The following ZFHX3 variants were observed in gnomAD, a reference collection of about 807,000 sequenced individuals.
ZFHX3 encodes the protein zinc finger homeobox protein 3.
ZFHX3 carries 42 observed loss-of-function variants against 279.1 expected under a neutral mutation model. The ratio of observed to expected loss-of-function variants is 0.15; its 90% CI spans 0.12 to 0.19. The LOEUF (loss-of-function observed/expected upper bound fraction) is 0.19, where lower values mean the gene tolerates loss of function less well. Among genes scored for constraint, ZFHX3 ranks in the 10% least tolerant of loss-of-function variants. ZFHX3 has a pLI of 1.00. For missense variants in ZFHX3, 4,981 were observed against 4,754.0 expected, an observed-to-expected ratio of 1.05 and a Z score of -1.40; for synonymous variants, 2,293 against 1,957.8, an observed-to-expected ratio of 1.17 and a Z score of -4.52.
At chr16:73,242,527 C>T (rs189106538) in intron 5 of ZFHX3, among the ~76,000 whole-genome samples, 109 of 152,302 alleles carry the variant, frequency 7.2e-4, no homozygotes, top group Non-Finnish European at 1.3e-3. Context: ...ACAGATAATA[C>T]TCACAGCATA....
At chr16:73,728,685 C>CTACT (rs2053542635) in intron 1 of ZFHX3, among the ~76,000 whole-genome samples, 2 of 152,064 alleles carry the variant, frequency 1.3e-5, no homozygotes, top group Non-Finnish European at 2.9e-5. Flanking sequence ...TAGCTCTTTG[C>CTACT]TACTGCTTGT....
At chr16:73,494,096 C>T (rs146381579) in intron 2 of ZFHX3, among the ~76,000 whole-genome samples, 1 of 152,230 alleles carries the variant, frequency 6.6e-6, no homozygotes, top group East Asian at 1.9e-4. Context: ...GGCAAAGAGT[C>T]GCTTCCCGGT....
Position 72,929,662 on chromosome 16 carries a change from G to A in ZFHX3, c.3216+20807C>T, listed in dbSNP as rs555099835. ...GGATGCCTGGGGCCACGCGGGCTGC[G>A]ACAGGGCCCTCCACGCAAGCTGGCT... is the stretch of plus-strand genomic sequence containing the variant. On this transcript the variant is annotated intron_variant, in intron 3 of 9. Transcript: ENST00000268489. Among the ~76,000 whole-genome samples the A allele has an allele frequency of 7.9e-5, 12 of 152,304 alleles. No homozygotes were observed. In the South Asian group the frequency reaches 2.1e-3, roughly 26 times the overall value.
intron 3 of ZFHX3, among the ~76,000 whole-genome samples, chr16:73,398,582 C>T (rs2017179097): frequency 6.6e-6 from 1 of 152,156 alleles, no homozygotes; most frequent in South Asian, 2.1e-4. Context: ...ACACAGAAAC[C>T]AGCAAATTAT....
chr16:72,840,107 G>C (rs1597296879), intron 4 of ZFHX3, among the ~76,000 whole-genome samples: 1 of 150,532 alleles, frequency 6.6e-6, no homozygotes, highest in African/African-American at 2.5e-5. Context: ...GTCAGAGAGA[G>C]ATCTTATGCT....
intron 3 of ZFHX3, among the ~76,000 whole-genome samples, chr16:73,356,274 C>T (rs1041161224): frequency 1.3e-5 from 2 of 150,558 alleles, no homozygotes; most frequent in African/African-American, 2.4e-5. Flanking sequence ...ACGGCTGGCC[C>T]GATGAAGACA....
At chr16:72,972,034 G>C (rs1424746421) in intron 1 of ZFHX3, among the ~76,000 whole-genome samples, 4 of 151,828 alleles carry the variant, frequency 2.6e-5, no homozygotes, top group Non-Finnish European at 5.9e-5. Flanking sequence ...TACAGGTGCA[G>C]GTGTGCACCA....
intron 2 of ZFHX3, among the ~76,000 whole-genome samples, chr16:73,561,332 T>A (rs28437961): frequency 9.8e-5 from 15 of 152,300 alleles, no homozygotes; most frequent in East Asian, 3.9e-4. Flanking sequence ...ATGAATTTTT[T>A]AAAAAAATAT....
intron 1 of ZFHX3, among the ~76,000 whole-genome samples, chr16:73,717,211 T>C (rs927585031): frequency 6.6e-6 from 1 of 152,212 alleles, no homozygotes; most frequent in Non-Finnish European, 1.5e-5. Flanking sequence ...ATATTGTCTT[T>C]AGTGTGGAAT....
At chr16:73,101,051 T>TAAATCCC (rs1966225131) in intron 7 of ZFHX3, among the ~76,000 whole-genome samples, 1 of 152,134 alleles carries the variant, frequency 6.6e-6, no homozygotes, top group Non-Finnish European at 1.5e-5. Context: ...CCCTGTTCAT[T>TAAATCCC]CTCAAACCAT....
At chr16:73,885,689 T>G (rs930235427) in intron 1 of ZFHX3, among the ~76,000 whole-genome samples, 1 of 152,172 alleles carries the variant, frequency 6.6e-6, no homozygotes, top group Admixed American at 6.5e-5. Context: ...AGATTGTATT[T>G]TATTATCACA....
At chr16:73,614,630 T>G (rs1203383829) in intron 2 of ZFHX3, among the ~76,000 whole-genome samples, 1 of 152,200 alleles carries the variant, frequency 6.6e-6, no homozygotes, top group Non-Finnish European at 1.5e-5. Context: ...TGGCTCTTTT[T>G]GCTGGAATCT....
At chr16:73,697,912 C>CTAG (rs1304755640) in intron 1 of ZFHX3, among the ~76,000 whole-genome samples, 1 of 152,072 alleles carries the variant, frequency 6.6e-6, no homozygotes, top group Non-Finnish European at 1.5e-5. Flanking sequence ...GTGAACACAC[C>CTAG]TAGAGCCCAC....
In ZFHX3 at chr16:73,762,846, G is replaced by C. The variant is rs114745244; in HGVS notation, c.-1607-82606C>G. ...TGATGGAGTGGAGCAGAGAGAGGGA[G>C]AACATCAGGAAAAATAGCTAATACA... On this transcript the variant is annotated intron_variant, in intron 1 of 17. Transcript: ENST00000641206. Among the ~76,000 whole-genome samples the C allele has an allele frequency of 1.2e-3, 181 of 152,216 alleles. 2 individuals carry two copies. The highest frequency in any genetic ancestry group is 4.1e-3 in the African/African-American group (172 of 41,546).
At chr16:73,860,677 C>T (rs1037345113) in intron 1 of ZFHX3, among the ~76,000 whole-genome samples, 2 of 152,204 alleles carry the variant, frequency 1.3e-5, no homozygotes, top group African/African-American at 4.8e-5. Context: ...CACCTTCCTT[C>T]GGCCTGTTTT....
chr16:73,369,380 C>A (rs13335600), intron 3 of ZFHX3, among the ~76,000 whole-genome samples: 10,016 of 152,200 alleles, frequency 0.066, 1,033 homozygotes, highest in African/African-American at 0.22. Context: ...AACCGAGCAC[C>A]GGGCTTCTAA....
chr16:72,869,711 T>G (rs2038108967), intron 4 of ZFHX3, among the ~76,000 whole-genome samples: 2 of 152,356 alleles, frequency 1.3e-5, no homozygotes. Flanking sequence ...TATTTCTCCC[T>G]ATTGATTTTT....
intron 2 of ZFHX3, among the ~76,000 whole-genome samples, chr16:73,574,331 G>C (rs963866089): frequency 6.8e-6 from 1 of 147,658 alleles, no homozygotes; most frequent in Admixed American, 6.6e-5. Flanking sequence ...GTGAAATTTT[G>C]TATCATTTCT....
intron 3 of ZFHX3, among the ~76,000 whole-genome samples, chr16:73,450,445 T>G (rs1055691220): frequency 6.7e-6 from 1 of 149,864 alleles, no homozygotes; most frequent in Non-Finnish European, 1.5e-5. Flanking sequence ...AGCGGACATG[T>G]GTCATTTTTA....
Sources: gnomAD v4.1 joint callset for allele counts (sites outside exome capture counted in the v4.1 genomes callset) on GRCh38, gnomAD v4.1.1 for gene constraint, MANE v1.5 for transcripts, NCBI Gene and HGNC (gene_info 2026-07-23, HGNC 2026-07-21) for gene names.